Variants in GALNT13 observed in about 807,000 individuals in gnomAD.
GALNT13 encodes the protein UDP-GalNAc:polypeptide N-acetylgalactosaminyltransferase 13.
GALNT13 carries 28 observed loss-of-function variants against 64.2 expected under a neutral mutation model. The ratio of observed to expected loss-of-function variants is 0.44; its 90% CI spans 0.32 to 0.60. The LOEUF is 0.60. Among genes scored for constraint, GALNT13 ranks in the 20% least tolerant of loss-of-function variants. The probability of loss-of-function intolerance (pLI) is 0.05; values close to 1 mark genes in which losing one functional copy is unlikely to be tolerated. For missense variants in GALNT13, 577 were observed against 669.8 expected, an observed-to-expected ratio of 0.86 and a Z score of 1.53; for synonymous variants, 214 against 224.6, an observed-to-expected ratio of 0.95 and a Z score of 0.42.
intron 10 of GALNT13, among the ~76,000 whole-genome samples, chr2:154,406,704 T>G (rs1313301516): frequency 2.6e-5 from 4 of 152,200 alleles, no homozygotes; most frequent in Admixed American, 1.3e-4. Flanking sequence ...TTCACAGGAC[T>G]TCTTGATTTT....
At position 154,195,652 on chromosome 2, in the gene GALNT13, C is replaced by G. The variant is rs150503052; in HGVS notation, c.312-46378C>G. Among the ~76,000 whole-genome samples the G allele has an allele frequency of 8.5e-5, 13 of 152,192 alleles. No individual in the cohort carries two copies. The East Asian group carries it at 2.3e-3, about 27-fold the overall frequency. On this transcript the variant is annotated intron_variant, in intron 4 of 12. Transcript: ENST00000392825. ...CATCCTTTGTTTAGTGCAAGGCCTT[C>G]CACACATATAGGAGCTCAGAGCTTC...
the GALNT13 span, among the ~76,000 whole-genome samples, chr2:153,218,318 AC>A: frequency 1.3e-5 from 2 of 152,136 alleles, no homozygotes; most frequent in East Asian, 3.9e-4. Flanking sequence ...AGACAATATT[AC>A]CCTGGCTCTC....
chr2:154,260,670 AACCC>A (rs1690648352), intron 8 of GALNT13, among the ~76,000 whole-genome samples: 1 of 152,168 alleles, frequency 6.6e-6, no homozygotes, highest in Non-Finnish European at 1.5e-5. Context: ...GACATTTGAG[AACCC>A]AAAATTATTA....
chr2:153,822,132 C>T, the GALNT13 span, among the ~76,000 whole-genome samples: 9 of 152,210 alleles, frequency 5.9e-5, no homozygotes, highest in East Asian at 1.9e-4. Flanking sequence ...CAGATGGATT[C>T]ACAGCCAAAT....
chr2:154,425,410 A>G lies in GALNT13; in HGVS notation c.1396-13182A>G, dbSNP rs116180477. On this transcript the variant is annotated intron_variant, in intron 11 of 12. Coordinates refer to ENST00000392825, the MANE Select transcript of GALNT13 (RefSeq NM_052917.4). The stretch of plus-strand genomic sequence containing the variant: ...GTCTGTTTTACATTTACATGCTTAG[A>G]TCAGTAAGAACCTCAAAGATCAGGT... Among the ~76,000 whole-genome samples, 723 of 152,296 alleles carry G rather than the reference A, an allele frequency of 4.7e-3. 7 individuals carry two copies. The highest frequency in any genetic ancestry group is 0.017 in the African/African-American group (703 of 41,582).
the GALNT13 span, among the ~76,000 whole-genome samples, chr2:153,082,620 C>T: frequency 0.049 from 935 of 19,274 alleles, 9 homozygotes; most frequent in East Asian, 0.076. Flanking sequence ...TATATATATA[C>T]ACACACACAC....
At chr2:153,206,433 A>G in the GALNT13 span, among the ~76,000 whole-genome samples, 16 of 152,110 alleles carry the variant, frequency 1.1e-4, no homozygotes, top group Non-Finnish European at 1.5e-4. Flanking sequence ...AATTTTGTGG[A>G]TATATTATAA....
chr2:153,166,617 CTGCATG>C, the GALNT13 span, among the ~76,000 whole-genome samples: 8 of 100,972 alleles, frequency 7.9e-5, no homozygotes, highest in African/African-American at 2.9e-4. Flanking sequence ...TCTTTGCCTA[CTGCATG>C]TGTGTGTGTG....
chr2:154,344,284 G>C lies in GALNT13; in HGVS notation c.1156+42695G>C, dbSNP rs543481404. Among the ~76,000 whole-genome samples, 3 of 110,808 alleles carry C rather than the reference G, an allele frequency of 2.7e-5. No homozygotes were observed. In the East Asian group the frequency reaches 5.9e-4, roughly 22 times the overall value. 72.7% of individuals were successfully genotyped at this position (110,808 alleles called of 152,430 possible). ...AGAAGGAGATCTTGCCTGTTGACTC[G>C]CCTGACAAAGACTTCCAGCAAACCA... On this transcript the variant is annotated intron_variant, in intron 9 of 12. Coordinates refer to ENST00000392825, the MANE Select transcript of GALNT13 (RefSeq NM_052917.4).
the GALNT13 span, among the ~76,000 whole-genome samples, chr2:153,135,370 T>G: frequency 6.6e-6 from 1 of 152,284 alleles, no homozygotes. Flanking sequence ...CATCTGCGAA[T>G]GACCAGGAAT....
At chr2:154,167,565 CTCCTT>C (rs1355100405) in intron 4 of GALNT13, among the ~76,000 whole-genome samples, 1 of 152,216 alleles carries the variant, frequency 6.6e-6, no homozygotes, top group Non-Finnish European at 1.5e-5. Context: ...TTTTCTTTTA[CTCCTT>C]TCCTTTCCAT....
chr2:153,844,147 C>G, the GALNT13 span, among the ~76,000 whole-genome samples: 2 of 152,184 alleles, frequency 1.3e-5, no homozygotes, highest in African/African-American at 4.8e-5. Context: ...CATGTCCCCT[C>G]CACATTGCTT....
chr2:153,407,290 T>C, the GALNT13 span, among the ~76,000 whole-genome samples: 1 of 152,192 alleles, frequency 6.6e-6, no homozygotes, highest in Admixed American at 6.5e-5. Context: ...TTAAGTCTAA[T>C]AACTATTGCA....
chr2:154,014,928 A>G (rs1345705221), intron 3 of GALNT13, among the ~76,000 whole-genome samples: 1 of 152,138 alleles, frequency 6.6e-6, no homozygotes, highest in African/African-American at 2.4e-5. Context: ...CACCGCGCCC[A>G]GCCTCTGATA....
chr2:153,758,759 T>G, the GALNT13 span, among the ~76,000 whole-genome samples: 1 of 152,002 alleles, frequency 6.6e-6, no homozygotes, highest in Non-Finnish European at 1.5e-5. Context: ...ACCCAGCTAA[T>G]TTTTTGTTAT....
the GALNT13 span, among the ~76,000 whole-genome samples, chr2:153,579,077 T>C: frequency 1.3e-5 from 2 of 152,184 alleles, no homozygotes; most frequent in East Asian, 1.9e-4. Flanking sequence ...CGGAAAACTG[T>C]AGCTTTCCCA....
the GALNT13 span, among the ~76,000 whole-genome samples, chr2:153,571,137 C>T: frequency 6.6e-6 from 1 of 151,876 alleles, no homozygotes; most frequent in Non-Finnish European, 1.5e-5. Context: ...CTTCTGTCAT[C>T]AGTATTTTAC....
the GALNT13 span, among the ~76,000 whole-genome samples, chr2:153,211,113 A>T: frequency 6.6e-6 from 1 of 151,830 alleles, no homozygotes; most frequent in East Asian, 1.9e-4. Context: ...TATAGCTCTT[A>T]GAATTCTAAC....
At chr2:154,411,774 A>G (rs1559140619) in intron 11 of GALNT13, among the ~76,000 whole-genome samples, 1 of 151,754 alleles carries the variant, frequency 6.6e-6, no homozygotes, top group Non-Finnish European at 1.5e-5. Context: ...TCATAATTAA[A>G]TAAGAATGGG....
Sources: gnomAD v4.1 joint callset for allele counts (sites outside exome capture counted in the v4.1 genomes callset) on GRCh38, gnomAD v4.1.1 for gene constraint, MANE v1.5 for transcripts, NCBI Gene and HGNC (gene_info 2026-07-23, HGNC 2026-07-21) for gene names.